The following HIRA variants were observed in gnomAD, a reference collection of about 807,000 sequenced individuals.
HIRA encodes protein HIRA.
Under a neutral mutation model 126.6 loss-of-function variants are expected in HIRA, and 13 were observed. That is an observed-to-expected ratio of 0.10 (90% confidence interval 0.07 to 0.16). HIRA has a LOEUF of 0.16. Ranked by LOEUF, HIRA falls within the 10% of genes least tolerant of loss-of-function variation. The pLI, the probability that HIRA is intolerant of heterozygous loss-of-function variation, is 1.00. For synonymous variants in HIRA, 511 were observed against 520.0 expected (o/e 0.98, Z 0.24); for missense variants, 834 against 1,314.4 (o/e 0.63, Z 5.65).
At chr22:19,387,565 A>C (rs2089138168) in intron 11 of HIRA, 146 bp downstream of exon 11, 2 of 594,890 alleles carry the variant, frequency 3.4e-6, no homozygotes, top group Non-Finnish European at 6.0e-6. Flanking sequence ...AAGGATTACA[A>C]GATATAAAAG....
At chr22:19,396,351 G>A (rs1176487920) in intron 7 of HIRA, among the ~76,000 whole-genome samples, 1 of 152,108 alleles carries the variant, frequency 6.6e-6, no homozygotes, top group Non-Finnish European at 1.5e-5. Flanking sequence ...CCGCATCTCT[G>A]TTAAAAATAC....
intron 24 of HIRA, among the ~76,000 whole-genome samples, chr22:19,343,069 G>A (rs1245759732): frequency 6.6e-6 from 1 of 152,102 alleles, no homozygotes; most frequent in African/African-American, 2.4e-5. Context: ...GTATAACAAT[G>A]ATGTAATGGA....
chr22:19,375,338 C>T lies in HIRA; in HGVS notation c.1775+293G>A, dbSNP rs965388300. 2.6e-5 allele frequency among the ~76,000 whole-genome samples: 4 copies of T among 152,204 alleles called. No homozygotes were observed. In the East Asian group the frequency reaches 5.8e-4, roughly 22 times the overall value. ...GTGCAAACTCTGGGCTCCATCCAAA[C>T]ACCATTATTCTCAGTTCAGCCTCTG... On this transcript the variant is annotated intron_variant, in intron 15 of 24. Transcript: ENST00000263208.
intron 15 of HIRA, among the ~76,000 whole-genome samples, chr22:19,367,545 T>C (rs1473885650): frequency 6.6e-6 from 1 of 152,096 alleles, no homozygotes; most frequent in Non-Finnish European, 1.5e-5. Context: ...TTTTGTATTT[T>C]TACTAGAGAC....
chr22:19,338,303 A>G (rs1213673343), intron 24 of HIRA, among the ~76,000 whole-genome samples: 1 of 152,200 alleles, frequency 6.6e-6, no homozygotes, highest in African/African-American at 2.4e-5. Flanking sequence ...CACTACAAGA[A>G]ATGCTAAAAG....
chr22:19,356,778 G>T (rs1358775831), intron 19 of HIRA, 112 bp downstream of exon 19: 4 of 1,077,388 alleles, frequency 3.7e-6, no homozygotes, highest in Non-Finnish European at 5.3e-6. Context: ...CTCTTCTGGG[G>T]CCTGATGGCC....
chr22:19,413,222 T>G (rs1465766874), intron 1 of HIRA, among the ~76,000 whole-genome samples: 2 of 152,184 alleles, frequency 1.3e-5, no homozygotes, highest in African/African-American at 4.8e-5. Context: ...CAAGGTCAGA[T>G]TCACATTCTG....
At chr22:19,423,949 T>C (rs1053488039) in intron 1 of HIRA, among the ~76,000 whole-genome samples, 3 of 152,172 alleles carry the variant, frequency 2.0e-5, no homozygotes, top group Admixed American at 6.5e-5. Context: ...GCCAGCAGAT[T>C]CCACTAGAAA....
intron 7 of HIRA, 152 bp from the exon 8 acceptor site, chr22:19,394,661 C>G: frequency 2.7e-6 from 2 of 748,444 alleles, no homozygotes; most frequent in Non-Finnish European, 4.2e-6. Flanking sequence ...TTCTGTCTCA[C>G]CAGATGGCCC....
chr22:19,421,271 C>G (rs929196050), intron 1 of HIRA, among the ~76,000 whole-genome samples: 1 of 149,272 alleles, frequency 6.7e-6, no homozygotes, highest in Non-Finnish European at 1.5e-5. Context: ...TGCACTCCAG[C>G]CTGGGCAACA....
At chr22:19,423,419 G>C (rs1470616245) in intron 1 of HIRA, among the ~76,000 whole-genome samples, 1 of 151,622 alleles carries the variant, frequency 6.6e-6, no homozygotes, top group East Asian at 1.9e-4. Flanking sequence ...AGCCTGGCAT[G>C]CTGCTTGGTT....
At chr22:19,362,207 C>A (rs1039044837) in intron 15 of HIRA, among the ~76,000 whole-genome samples, 9 of 152,104 alleles carry the variant, frequency 5.9e-5, no homozygotes, top group Non-Finnish European at 2.9e-5. Context: ...CTCACATCTG[C>A]ATGAAGAAAG....
intron 1 of HIRA, 103 bp downstream of exon 1, chr22:19,431,337 G>A: frequency 3.1e-6 from 4 of 1,304,624 alleles, no homozygotes; most frequent in South Asian, 1.2e-5. Flanking sequence ...CCGGGTACCG[G>A]GCGTCAGGGG....
intron 18 of HIRA, 114 bp downstream of exon 18, chr22:19,359,222 C>G (rs918343873): frequency 8.7e-7 from 1 of 1,146,866 alleles, no homozygotes; most frequent in Non-Finnish European, 1.2e-6. Flanking sequence ...GTGTGAGTCT[C>G]TGTGGGAGCT....
At chr22:19,381,564 T>G (rs956882027) in intron 13 of HIRA, among the ~76,000 whole-genome samples, 3 of 149,360 alleles carry the variant, frequency 2.0e-5, no homozygotes. Context: ...TTTGATCTAC[T>G]GATACGTAGA....
At chr22:19,349,940 C>T (rs2088736147) in intron 24 of HIRA, among the ~76,000 whole-genome samples, 1 of 152,088 alleles carries the variant, frequency 6.6e-6, no homozygotes, top group Admixed American at 6.5e-5. Flanking sequence ...TTTCATCCCT[C>T]ACCTTTTCTG....
chr22:19,381,150 G>A (rs188125379), intron 13 of HIRA, among the ~76,000 whole-genome samples: 17 of 152,294 alleles, frequency 1.1e-4, no homozygotes, highest in African/African-American at 1.9e-4. Flanking sequence ...TTGCATCCTA[G>A]TTATTTTATT....
In HIRA at chr22:19,353,374, G is replaced by A. The variant is rs556771937; in HGVS notation, c.2830C>T (p.Arg944Trp). The A allele has an allele frequency of 1.1e-5, 17 of 1,612,888 alleles. No individual in the cohort carries two copies. The highest frequency in any genetic ancestry group is 1.7e-5 in the Admixed American group (1 of 60,024). ...EYRHWLLVYA[R>W]YLVNEGFEYR... ...GCCTCACCTTCGTTTACGAGGTACCGTGCGTAGACGAGGAGCCAATGGCGG... is the reference window on the plus strand; with the variant it reads ...GCCTCACCTTCGTTTACGAGGTACCATGCGTAGACGAGGAGCCAATGGCGG... Residue 944 changes from arginine (R) to tryptophan (W), a missense_variant, in exon 23 of 25, where the codon CGG becomes TGG. By Grantham distance (101) the Arg-to-Trp change is moderately radical (BLOSUM62 -3). This residue lies in a region of HIRA where 58 missense variants were observed against 114.5 expected (regional missense o/e 0.51). Coordinates refer to ENST00000263208, the MANE Select transcript of HIRA (RefSeq NM_003325.4).
chr22:19,345,601 A>C (rs1211736117), intron 24 of HIRA, among the ~76,000 whole-genome samples: 2 of 152,164 alleles, frequency 1.3e-5, no homozygotes, highest in African/African-American at 2.4e-5. Context: ...TCAGATCATC[A>C]GGCATTAGAT....
Sources: allele counts gnomAD v4.1 joint callset (sites outside exome capture counted in the v4.1 genomes callset), GRCh38; gene constraint gnomAD v4.1.1; regional missense constraint gnomAD v4.1.1; transcripts MANE v1.5; gene names NCBI Gene and HGNC (gene_info 2026-07-23, HGNC 2026-07-21).